COL24A1: variants seen among roughly 807,000 people sequenced by gnomAD.
COL24A1 encodes collagen type XXIV alpha 1 chain, also known as collagen alpha-1(XXIV) chain.
In COL24A1, 224 loss-of-function variants were observed where a neutral mutation model predicts 253.9. The observed-to-expected ratio is 0.88, with a 90% CI of 0.79 to 0.99. The LOEUF (loss-of-function observed/expected upper bound fraction) is 0.99, where lower values mean the gene tolerates loss of function less well. COL24A1 is among the 50% of genes least tolerant of loss of function. The pLI, the probability that COL24A1 is intolerant of heterozygous loss-of-function variation, is 0.00. For missense variants in COL24A1, 2,131 were observed against 2,068.5 expected (o/e 1.03, Z -0.59); for synonymous variants, 685 against 673.7 (o/e 1.02, Z -0.26).
At chr1:86,147,464 A>G (rs987622774) in intron 1 of COL24A1, among the ~76,000 whole-genome samples, 3 of 152,254 alleles carry the variant, frequency 2.0e-5, no homozygotes, top group Non-Finnish European at 2.9e-5. Flanking sequence ...AAACAGATCA[A>G]CTGAATCATT....
chr1:85,926,032 T>C (rs1687164218), intron 24 of COL24A1, among the ~76,000 whole-genome samples: 1 of 152,130 alleles, frequency 6.6e-6, no homozygotes, highest in African/African-American at 2.4e-5. Context: ...CAGACACTTC[T>C]CAAAAGAAGA....
intron 24 of COL24A1, among the ~76,000 whole-genome samples, chr1:85,937,881 C>T (rs944565502): frequency 6.8e-6 from 1 of 147,226 alleles, no homozygotes; most frequent in Non-Finnish European, 1.5e-5. Context: ...CAATTAGTAC[C>T]AGTATTTAGT....
intron 43 of COL24A1, among the ~76,000 whole-genome samples, chr1:85,830,375 G>C (rs1675053524): frequency 6.6e-6 from 1 of 152,112 alleles, no homozygotes. Context: ...CTGTCTTTTT[G>C]TCTGTCTGTG....
intron 40 of COL24A1, 50 bp from the exon 41 acceptor site, chr1:85,842,171 T>C: frequency 6.4e-7 from 1 of 1,553,114 alleles, no homozygotes; most frequent in Non-Finnish European, 8.9e-7. Context: ...AGATATTAGA[T>C]ATTGCATTAT....
chr1:85,932,792 A>G (rs1250652993), intron 24 of COL24A1, among the ~76,000 whole-genome samples: 2 of 77,672 alleles, frequency 2.6e-5, no homozygotes, highest in Non-Finnish European at 2.5e-5. Context: ...TTGTAGGGAC[A>G]TGGATGAAAT....
chr1:85,975,268 T>A (rs1045071581), intron 20 of COL24A1, among the ~76,000 whole-genome samples: 1 of 152,134 alleles, frequency 6.6e-6, no homozygotes, highest in Non-Finnish European at 1.5e-5. Context: ...TGAGTATATA[T>A]ACCAAAGAAA....
At chr1:85,828,107 T>G (rs1558283760) in intron 43 of COL24A1, among the ~76,000 whole-genome samples, 1 of 152,112 alleles carries the variant, frequency 6.6e-6, no homozygotes, top group Non-Finnish European at 1.5e-5. Context: ...ATCCCAGAGA[T>G]TCTGGTATGT....
chr1:85,922,011 C>T (rs1398644690), intron 24 of COL24A1, among the ~76,000 whole-genome samples: 2 of 152,112 alleles, frequency 1.3e-5, no homozygotes, highest in East Asian at 1.9e-4. Flanking sequence ...ATGAGAACTA[C>T]GTGACGCATG....
Position 85,896,111 on chromosome 1 carries a change from T to C in COL24A1, c.2833-46A>G, listed in dbSNP as rs1683672651. The C allele has an allele frequency of 3.2e-6, 5 of 1,581,634 alleles. No individual in the cohort carries two copies. In the East Asian group the frequency reaches 1.1e-4, roughly 35 times the overall value. On this transcript the variant is annotated intron_variant, in intron 29 of 59. Coordinates refer to ENST00000370571, the MANE Select transcript of COL24A1 (RefSeq NM_152890.7). ...GGTGAGTTAGTAAGAATGTGAATTA[T>C]GGTCTTACTATGCTAGCATATGCTA...
At position 86,077,500 on chromosome 1, in the gene COL24A1, A is replaced by T. The variant is rs149417620; in HGVS notation, c.1707+11674T>A. ...ATCTCATTACTGGGTATATATCCAA[A>T]AGATTATAAATCAGTCTACTATAAA... is the stretch of plus-strand genomic sequence containing the variant. On this transcript the variant is annotated intron_variant, in intron 7 of 59. Transcript: ENST00000370571. Among the ~76,000 whole-genome samples the T allele has an allele frequency of 2.5e-3, 375 of 152,322 alleles. 10 individuals are homozygous for T. In the East Asian group the frequency reaches 0.046, roughly 19 times the overall value.
chr1:85,786,228 GC>G (rs756566949), intron 48 of COL24A1, 125 bp downstream of exon 48: 40 of 725,026 alleles, frequency 5.5e-5, no homozygotes, highest in Non-Finnish European at 8.3e-5. Flanking sequence ...TTCCTAACGT[GC>G]TTTTACTATT....
intron 20 of COL24A1, among the ~76,000 whole-genome samples, chr1:85,978,924 G>A (rs1004384551): frequency 6.6e-6 from 1 of 152,130 alleles, no homozygotes; most frequent in African/African-American, 2.4e-5. Flanking sequence ...CTCCAAGATA[G>A]ATCACATGAG....
intron 47 of COL24A1, among the ~76,000 whole-genome samples, chr1:85,815,266 C>A (rs78890356): frequency 1.2e-4 from 19 of 152,298 alleles, no homozygotes; most frequent in African/African-American, 4.1e-4. Flanking sequence ...TAAAATTTCA[C>A]AATCTCATTA....
chr1:85,882,996 T>C (rs1571065574), intron 32 of COL24A1, among the ~76,000 whole-genome samples: 3 of 152,130 alleles, frequency 2.0e-5, no homozygotes, highest in South Asian at 4.2e-4. Context: ...AACATACAAT[T>C]GGGTTTTGCT....
chr1:86,021,772 A>G (rs1401067211), intron 18 of COL24A1, among the ~76,000 whole-genome samples: 1 of 152,112 alleles, frequency 6.6e-6, no homozygotes, highest in Non-Finnish European at 1.5e-5. Context: ...AATATAAGGT[A>G]TCTTTTTCTT....
intron 3 of COL24A1, among the ~76,000 whole-genome samples, chr1:86,124,488 T>A (rs1268727689): frequency 6.6e-6 from 1 of 152,030 alleles, no homozygotes; most frequent in African/African-American, 2.4e-5. Context: ...AACATGACTA[T>A]GCATTCTCCT....
At chr1:85,819,006 T>C (rs907408983) in intron 45 of COL24A1, among the ~76,000 whole-genome samples, 3 of 152,212 alleles carry the variant, frequency 2.0e-5, no homozygotes, top group African/African-American at 7.2e-5. Context: ...AGAAATAGTA[T>C]ATGTTGTCAC....
rs910246430 is a variant in COL24A1, at chr1:86,077,143, C to T, written c.1707+12031G>A. On this transcript the variant is annotated intron_variant, in intron 7 of 59. Coordinates refer to ENST00000370571, the MANE Select transcript of COL24A1 (RefSeq NM_152890.7). ...TCTACAAGAAACTTAAACAAATTCA[C>T]AAGAAGAAAACAGACAACTCCATCA... Among the ~76,000 whole-genome samples the T allele has an allele frequency of 3.3e-5, 5 of 152,220 alleles. 1 individual carries two copies. Among genetic ancestry groups the T allele is most frequent in the Admixed American group, 2.6e-4 (4 of 15,284 alleles).
intron 32 of COL24A1, among the ~76,000 whole-genome samples, chr1:85,885,391 A>AT (rs1208807391): frequency 0.011 from 888 of 83,902 alleles, 6 homozygotes; most frequent in Non-Finnish European, 0.015. Context: ...ATATATATAT[A>AT]TATATATTTT....
Sources: allele counts gnomAD v4.1 joint callset (sites outside exome capture counted in the v4.1 genomes callset), GRCh38; gene constraint gnomAD v4.1.1; transcripts MANE v1.5; gene names NCBI Gene and HGNC (gene_info 2026-07-23, HGNC 2026-07-21).